The following ITPR3 variants were observed in gnomAD, a reference collection of about 807,000 sequenced individuals.
ITPR3 encodes the protein inositol 1,4,5-trisphosphate receptor type 3.
Under a neutral mutation model 293.2 loss-of-function variants are expected in ITPR3, and 173 were observed. The observed-to-expected ratio is 0.59, with a 90% CI of 0.52 to 0.67. The LOEUF is 0.67. Ranked by LOEUF, ITPR3 falls within the 30% of genes least tolerant of loss-of-function variation. The pLI is 0.00. For synonymous variants in ITPR3, 1,295 were observed against 1,444.4 expected (o/e 0.90, Z 2.35); for missense variants, 2,796 against 3,592.1 (o/e 0.78, Z 5.66).
In ITPR3 at chr6:33,670,660, T is replaced by G. The variant is rs1404236136; in HGVS notation, c.2442-11T>G. On this transcript the variant is annotated splice_polypyrimidine_tract_variant and intron_variant, in intron 19 of 57. Transcript: ENST00000605930. This position sits in a 1 kb window ranked among gnomAD's most constrained non-coding sequence, Gnocchi z 6.7. ...TCGGGGACCTTCATGCCTCATGGCCTCCACCCTCAGCTATGATTCCAACCT... is the reference window on the plus strand; with the variant it reads ...TCGGGGACCTTCATGCCTCATGGCCGCCACCCTCAGCTATGATTCCAACCT... 3 of 1,613,836 alleles carry G rather than the reference T, an allele frequency of 1.9e-6. No individual in the cohort carries two copies. Among genetic ancestry groups the G allele is most frequent in the African/African-American group, 1.3e-5 (1 of 74,984 alleles).
At chr6:33,662,017 A>AAAAAAAAAC (rs1764485009) in intron 7 of ITPR3, among the ~76,000 whole-genome samples, 1 of 147,754 alleles carries the variant, frequency 6.8e-6, no homozygotes, top group Non-Finnish European at 1.5e-5. Context: ...AAAAAAAAAA[A>AAAAAAAAAC]GACAGGATCC....
rs2127261525 is a variant in ITPR3, at chr6:33,658,098, C to A, written c.369+80C>A. On this transcript the variant is annotated intron_variant, in intron 4 of 57. Transcript: ENST00000605930. This position sits in a 1 kb window ranked among gnomAD's most constrained non-coding sequence, Gnocchi z 6.1. ...GCTGGTGCTGGGTGAGGGCTGCCAG[C>A]AGGCATTGCCCTCTGTGCATGTGTG... 4.1e-6 allele frequency: 5 copies of A among 1,224,394 alleles called. No homozygotes were observed. In the South Asian group the frequency reaches 5.0e-5, roughly 12 times the overall value. The allele number at this position is 1,224,394 out of a possible 1,614,324, so 75.8% of individuals were successfully genotyped here.
intron 56 of ITPR3, among the ~76,000 whole-genome samples, 194 bp downstream of exon 56, chr6:33,693,899 C>T (rs914867973): frequency 3.7e-4 from 56 of 152,232 alleles, no homozygotes; most frequent in African/African-American, 1.3e-3. Context: ...GAAAGGTCAG[C>T]AGGGCGAGGA....
rs777233154 is a variant in ITPR3 at position 33,678,652 on chromosome 6, A to G, written c.3785A>G (p.Glu1262Gly). 5 of 1,612,640 alleles carry G rather than the reference A, an allele frequency of 3.1e-6. No individual in the cohort carries two copies. The Admixed American group carries it at 6.7e-5, about 22-fold the overall frequency. Residue 1262 changes from glutamate to glycine, a missense_variant, in exon 30 of 58, where the codon GAG becomes GGG. This residue lies in a region of ITPR3 where 344 missense variants were observed against 460.3 expected (regional missense o/e 0.75). Coordinates refer to ENST00000605930, the MANE Select transcript of ITPR3 (RefSeq NM_002224.4). ...CCCCCACTGCAGCTCCTGGAGGCAGAGACCATGCAGCACATCTTCCTGAAC... is the reference window on the plus strand; with the variant it reads ...CCCCCACTGCAGCTCCTGGAGGCAGGGACCATGCAGCACATCTTCCTGAAC... Reference protein sequence around the residue: ...LFLTPGLLEAETMQHIFLNNY... With the variant: ...LFLTPGLLEAGTMQHIFLNNY...
At chr6:33,677,951 C>T (rs1356871095) in intron 28 of ITPR3, among the ~76,000 whole-genome samples, 3 of 152,162 alleles carry the variant, frequency 2.0e-5, no homozygotes, top group African/African-American at 7.2e-5. Context: ...CTTTGACCCT[C>T]AGCTTCCTTA....
At chr6:33,693,491 C>G (rs1217868049) in intron 55 of ITPR3, 54 bp from the exon 56 acceptor site, 2 of 1,596,830 alleles carry the variant, frequency 1.3e-6, no homozygotes, top group Admixed American at 1.7e-5. Context: ...AGCAGGTGAC[C>G]CTGCAGTGGC....
chr6:33,636,374 C>T (rs1322812766), intron 1 of ITPR3, among the ~76,000 whole-genome samples: 4 of 151,848 alleles, frequency 2.6e-5, no homozygotes, highest in Non-Finnish European at 5.9e-5. Flanking sequence ...AAGGGGGAAC[C>T]CAGGAGACCA....
intron 9 of ITPR3, 92 bp from the exon 10 acceptor site, chr6:33,663,408 A>G: frequency 7.7e-7 from 1 of 1,296,954 alleles, no homozygotes; most frequent in South Asian, 1.3e-5. Context: ...GCCCAAACCC[A>G]GGGCCCTATG....
At position 33,685,604 on chromosome 6, in the gene ITPR3, G is replaced by A. The variant is rs1177080375; in HGVS notation, c.5483-39G>A. 1.9e-6 allele frequency: 3 copies of A among 1,586,896 alleles called. No homozygotes were observed. In the East Asian group the frequency reaches 6.8e-5, roughly 36 times the overall value. ...TAAGATGTGCAGGGGGGTGGCCAAGGGGGTGGGCAGCTCCAGCCTCACCAG... is the reference window on the plus strand; with the variant it reads ...TAAGATGTGCAGGGGGGTGGCCAAGAGGGTGGGCAGCTCCAGCCTCACCAG... On this transcript the variant is annotated intron_variant, in intron 40 of 57. Coordinates refer to ENST00000605930, the MANE Select transcript of ITPR3 (RefSeq NM_002224.4).
At position 33,633,004 on chromosome 6, in the gene ITPR3, T is replaced by TCA. The variant is rs1763719105; in HGVS notation, c.90-7478_90-7477dup. On this transcript the variant is annotated intron_variant, in intron 1 of 57. Coordinates refer to ENST00000605930, the MANE Select transcript of ITPR3 (RefSeq NM_002224.4). The surrounding 1 kb of genome is among the most constrained non-coding windows in gnomAD (Gnocchi z 5.2). ...AGGGGTTCCATCCACTCTGTGGGCCTCACTCTGGACTGTGGTAAGAACACA... is the reference window on the plus strand; with the variant it reads ...AGGGGTTCCATCCACTCTGTGGGCCTCACACTCTGGACTGTGGTAAGAACACA... 6.6e-6 allele frequency among the ~76,000 whole-genome samples: 1 copy of TCA among 152,230 alleles called. No homozygotes were observed. The highest frequency in any genetic ancestry group is 1.5e-5 in the Non-Finnish European group (1 of 68,044).
At chr6:33,640,701 C>T (rs535156157) in intron 2 of ITPR3, 147 bp downstream of exon 2, 1 of 641,190 alleles carries the variant, frequency 1.6e-6, no homozygotes, top group East Asian at 3.0e-5. Context: ...CGGCGGAATC[C>T]CCCTTGGCTT....
chr6:33,626,452 G>A (rs1763552112), intron 1 of ITPR3, among the ~76,000 whole-genome samples: 1 of 152,190 alleles, frequency 6.6e-6, no homozygotes, highest in African/African-American at 2.4e-5. Context: ...GTTTTAATGA[G>A]TACCTGGGGC....
chr6:33,673,545 A>G (rs1764824511), intron 22 of ITPR3, 46 bp from the exon 23 acceptor site: 2 of 1,608,380 alleles, frequency 1.2e-6, no homozygotes, highest in African/African-American at 2.7e-5. Context: ...CTGACCTCAG[A>G]TCAGTCCTCA....
At chr6:33,640,327 T>A (rs1763918687) in intron 1 of ITPR3, among the ~76,000 whole-genome samples, 157 bp from the exon 2 acceptor site, 1 of 152,096 alleles carries the variant, frequency 6.6e-6, no homozygotes, top group African/African-American at 2.4e-5. Context: ...TCAACGGTGG[T>A]GCCAGGAAAG....
chr6:33,646,077 C>A (rs1008734307), intron 2 of ITPR3, among the ~76,000 whole-genome samples: 1 of 152,054 alleles, frequency 6.6e-6, no homozygotes, highest in African/African-American at 2.4e-5. Context: ...ACCCCGTGAT[C>A]CACCCGCCTC....
Position 33,677,010 on chromosome 6 carries a change from T to G in ITPR3, c.3448-5T>G. 6.2e-7 allele frequency: 1 copy of G among 1,614,152 alleles called. No individual in the cohort carries two copies. Among genetic ancestry groups the G allele is most frequent in the Non-Finnish European group, 8.5e-7 (1 of 1,179,990 alleles). ...GGCTGATCTCCTTCCTCTCTCTGCTTTCAGCGTCCCACGGACGAGGAGGGC... is the reference window on the plus strand; with the variant it reads ...GGCTGATCTCCTTCCTCTCTCTGCTGTCAGCGTCCCACGGACGAGGAGGGC... On this transcript the variant is annotated splice_region_variant and splice_polypyrimidine_tract_variant and intron_variant, in intron 26 of 57. Transcript: ENST00000605930.
intron 2 of ITPR3, among the ~76,000 whole-genome samples, chr6:33,651,955 G>C (rs1561858250): frequency 6.6e-6 from 1 of 152,154 alleles, no homozygotes; most frequent in Non-Finnish European, 1.5e-5. Flanking sequence ...GGCTGTACCT[G>C]TCCCTTTCTG....
At chr6:33,651,073 G>A (rs949389097) in intron 2 of ITPR3, among the ~76,000 whole-genome samples, 31 of 151,774 alleles carry the variant, frequency 2.0e-4, no homozygotes, top group Admixed American at 7.2e-4. Flanking sequence ...TCAGGAGATC[G>A]AGACCATCCT....
rs933450961 is a variant in ITPR3 at position 33,680,038 on chromosome 6, G to A, written c.4129G>A (p.Glu1377Lys). 2.5e-6 allele frequency: 4 copies of A among 1,613,862 alleles called. No individual in the cohort carries two copies. Among genetic ancestry groups the A allele is most frequent in the Non-Finnish European group, 1.7e-6 (2 of 1,180,036 alleles). The change falls in exon 31 of 58, where the codon GAG becomes AAG. Residue 1377 changes from glutamate (E) to lysine (K), a missense_variant. By Grantham distance (56) the Glu-to-Lys change is moderately conservative. This residue lies in a region of ITPR3 where 344 missense variants were observed against 460.3 expected (regional missense o/e 0.75). Coordinates refer to ENST00000605930, the MANE Select transcript of ITPR3 (RefSeq NM_002224.4). ...GGTGGACCTGCTGGCCGCCTGTGCC[G>A]AGGGCAAAAACGTCTACACTGAGAT... ...SLVDLLAACA[E>K]GKNVYTEIKC...
Sources: allele counts gnomAD v4.1 joint callset (sites outside exome capture counted in the v4.1 genomes callset), GRCh38; gene constraint gnomAD v4.1.1; regional missense constraint gnomAD v4.1.1; non-coding constraint Gnocchi (gnomAD v3.1); transcripts MANE v1.5; gene names NCBI Gene and HGNC (gene_info 2026-07-23, HGNC 2026-07-21).